SEPTIN10: variants seen among roughly 807,000 people sequenced by gnomAD.
SEPTIN10 encodes the protein septin 10, also known as septin-10.
A neutral mutation model predicts 54.8 loss-of-function variants in SEPTIN10; 66 were observed. That is an observed-to-expected ratio of 1.21 (90% CI 0.99 to 1.48). The LOEUF (loss-of-function observed/expected upper bound fraction) is 1.48, where lower values mean the gene tolerates loss of function less well. SEPTIN10 is among the 40% of genes most tolerant of loss of function. The probability of loss-of-function intolerance (pLI) is 0.00; values close to 1 mark genes in which losing one functional copy is unlikely to be tolerated. For synonymous variants in SEPTIN10, 161 were observed against 181.0 expected (o/e 0.89, Z 0.89); for missense variants, 620 against 545.6 (o/e 1.14, Z -1.36).
chr2:109,544,064 C>G lies in SEPTIN10; in HGVS notation c.*245G>C. On this transcript the variant is annotated 3_prime_UTR_variant, in exon 11 of 11. Transcript: ENST00000397712. The stretch of plus-strand genomic sequence containing the variant: ...GGTCAAGTCAGTGCTCAAAAAGATT[C>G]AGATTTTGAAGCTTCTGGATTTCAG... 7.9e-7 allele frequency: 1 copy of G among 1,264,766 alleles called. No homozygotes were observed. Among genetic ancestry groups the G allele is most frequent in the Non-Finnish European group, 1.1e-6 (1 of 918,218 alleles). The allele number at this position is 1,264,766 out of a possible 1,614,324, so 78.3% of individuals were successfully genotyped here. A position where few individuals can be genotyped will look rare whatever the true frequency, so the allele number is the denominator to read the frequency against.
intron 4 of SEPTIN10, 36 bp from the exon 5 acceptor site, chr2:109,574,803 T>C (rs532871863): frequency 6.3e-6 from 9 of 1,436,424 alleles, no homozygotes; most frequent in Non-Finnish European, 8.4e-6. Flanking sequence ...ACAACATTAT[T>C]TGTGCTACCT....
chr2:109,562,377 TC>T (rs1685890150), intron 8 of SEPTIN10, among the ~76,000 whole-genome samples: 2 of 144,034 alleles, frequency 1.4e-5, no homozygotes, highest in South Asian at 4.6e-4. Context: ...CCTGCCCCCC[TC>T]CCCCAACTCT....
At chr2:109,545,599 C>A (rs1680988717) in intron 10 of SEPTIN10, 2 of 1,532,964 alleles carry the variant, frequency 1.3e-6, no homozygotes, top group Non-Finnish European at 1.7e-6. Flanking sequence ...TTCTAAAAAA[C>A]TGAACCTAAG....
chr2:109,610,567 T>C (rs767536375), intron 1 of SEPTIN10, among the ~76,000 whole-genome samples: 2 of 152,028 alleles, frequency 1.3e-5, no homozygotes, highest in Non-Finnish European at 2.9e-5. Context: ...ATACAAAAAA[T>C]TAGCCGGGCG....
intron 4 of SEPTIN10, among the ~76,000 whole-genome samples, chr2:109,577,314 C>T (rs28718793): frequency 0.017 from 2,546 of 152,172 alleles, 69 homozygotes; most frequent in African/African-American, 0.058. Flanking sequence ...ATAGAGAACT[C>T]GGCCGGGCAT....
intron 1 of SEPTIN10, chr2:109,613,132 C>G: frequency 7.8e-7 from 1 of 1,276,914 alleles, no homozygotes; most frequent in Non-Finnish European, 1.0e-6. Context: ...TTGGAAAACT[C>G]GATGTACACG....
intron 10 of SEPTIN10, 135 bp from the exon 11 acceptor site, chr2:109,544,459 C>T: frequency 7.2e-7 from 1 of 1,384,340 alleles, no homozygotes; most frequent in Non-Finnish European, 9.3e-7. Context: ...CCAAAAACAC[C>T]AAACCATATT....
rs1046944748 is a variant in SEPTIN10 at position 109,565,785 on chromosome 2, C to A, written c.837G>T (p.Gln279His). 1.9e-6 allele frequency: 3 copies of A among 1,613,914 alleles called. No homozygotes were observed. In the African/African-American group the frequency reaches 4.0e-5, roughly 22 times the overall value. Residue 279 changes from glutamine to histidine, a missense_variant, in exon 7 of 11, where the codon CAG becomes CAT. By Grantham distance (24) the Gln-to-His change is conservative. Transcript: ENST00000397712. Reference protein sequence around the residue: ...KVGNKMVKARQYPWGVVQVEN... With the variant: ...KVGNKMVKARHYPWGVVQVEN... ...TACCTTGTACAACACCCCAAGGGTA[C>A]TGGCGAGCTTTGACCATCTTGTTTC...
intron 5 of SEPTIN10, among the ~76,000 whole-genome samples, chr2:109,571,315 G>A (rs1688334777): frequency 6.6e-6 from 1 of 152,172 alleles, no homozygotes; most frequent in Non-Finnish European, 1.5e-5. Flanking sequence ...AAATGCGATA[G>A]AAATATGATC....
At chr2:109,613,521 G>T in intron 1 of SEPTIN10, 1 of 237,120 alleles carries the variant, frequency 4.2e-6, no homozygotes, top group Non-Finnish European at 8.2e-6. Flanking sequence ...GTAACTTTTG[G>T]CAAAGACCGG....
chr2:109,575,444 A>C (rs550106052), intron 4 of SEPTIN10, among the ~76,000 whole-genome samples: 1 of 152,256 alleles, frequency 6.6e-6, no homozygotes, highest in Non-Finnish European at 1.5e-5. Flanking sequence ...AATTATAAAC[A>C]AAGGAAAGGC....
intron 1 of SEPTIN10, among the ~76,000 whole-genome samples, chr2:109,596,296 A>G (rs1573784948): frequency 6.6e-6 from 1 of 152,254 alleles, no homozygotes; most frequent in East Asian, 1.9e-4. Context: ...CTTAGTGTTG[A>G]TAAGTAAAAT....
chr2:109,602,091 G>A lies in SEPTIN10; in HGVS notation c.31-8972C>T, dbSNP rs186141696. ...TAGGAAGCACTGAGCTCAGACCCTG[G>A]AAGGGTTCCAACAGCGGCACAGTAA... On this transcript the variant is annotated intron_variant, in intron 1 of 10. Transcript: ENST00000397712. Among the ~76,000 whole-genome samples the A allele has an allele frequency of 5.3e-3, 806 of 152,268 alleles. 5 individuals are homozygous for A. The highest frequency in any genetic ancestry group is 8.1e-3 in the Non-Finnish European group (551 of 68,020).
chr2:109,578,765 T>C (rs1437695605), intron 4 of SEPTIN10, among the ~76,000 whole-genome samples: 1 of 149,488 alleles, frequency 6.7e-6, no homozygotes, highest in Non-Finnish European at 1.5e-5. Context: ...AGATTCCACC[T>C]CAAAAAAGAA....
intron 10 of SEPTIN10, 42 bp downstream of exon 10, chr2:109,546,008 A>C: frequency 6.5e-7 from 1 of 1,527,436 alleles, no homozygotes; most frequent in Non-Finnish European, 8.7e-7. Context: ...CAATGTGACA[A>C]GTGTGGGCAG....
At position 109,564,901 on chromosome 2, in the gene SEPTIN10, A is replaced by C. The variant is rs545059205; in HGVS notation, c.860-367T>G. ...AAGACATTTCACATAATGTTTAAAGAGTATGTAATATTAGTTCACTAAAAC... is the reference window on the plus strand; with the variant it reads ...AAGACATTTCACATAATGTTTAAAGCGTATGTAATATTAGTTCACTAAAAC... On this transcript the variant is annotated intron_variant, in intron 7 of 10. Coordinates refer to ENST00000397712, the MANE Select transcript of SEPTIN10 (RefSeq NM_144710.5). 3.9e-5 allele frequency among the ~76,000 whole-genome samples: 6 copies of C among 152,352 alleles called. No individual in the cohort carries two copies. In the South Asian group the frequency reaches 1.2e-3, roughly 32 times the overall value.
rs551649433 is a variant in SEPTIN10, at chr2:109,571,074, G to C, written c.601-3098C>G. Among the ~76,000 whole-genome samples the C allele has an allele frequency of 2.0e-5, 3 of 152,168 alleles. No individual in the cohort carries two copies. In the East Asian group the frequency reaches 5.8e-4, roughly 30 times the overall value. On this transcript the variant is annotated intron_variant, in intron 5 of 10. Transcript: ENST00000397712. ...TCTCACGAGATCTGGTTGTTTAAAA[G>C]TGTGTAGCACCTCCCCCTGCACTCT...
rs1037838083 is a variant in SEPTIN10, at chr2:109,593,224, T to C, written c.31-105A>G. ...TGAATAAGGTGTTATAATAATGTTG[T>C]TATCACCAAGTTTTGATGTGTAGTC... On this transcript the variant is annotated intron_variant, in intron 1 of 10. Transcript: ENST00000397712. 13 of 687,960 alleles carry C rather than the reference T, an allele frequency of 1.9e-5. 2 individuals carry two copies. In the East Asian group the frequency reaches 2.3e-4, roughly 12 times the overall value. The allele number at this position is 687,960 out of a possible 1,614,324, so 42.6% of individuals were successfully genotyped here.
At chr2:109,574,803 T>TTG (rs1558790773) in intron 4 of SEPTIN10, 36 bp from the exon 5 acceptor site, 1 of 1,436,424 alleles carries the variant, frequency 7.0e-7, no homozygotes, top group Non-Finnish European at 9.3e-7. Context: ...ACAACATTAT[T>TTG]TGTGCTACCT....
Sources: gnomAD v4.1 joint callset for allele counts (sites outside exome capture counted in the v4.1 genomes callset) on GRCh38, gnomAD v4.1.1 for gene constraint, MANE v1.5 for transcripts, NCBI Gene and HGNC (gene_info 2026-07-23, HGNC 2026-07-21) for gene names.